The following NME9 variants were observed in gnomAD, a reference collection of about 807,000 sequenced individuals.
NME9 encodes thioredoxin domain-containing protein 6.
In NME9, 48 loss-of-function variants were observed where a neutral mutation model predicts 44.4. The ratio of observed to expected loss-of-function variants is 1.08; its 90% CI spans 0.86 to 1.37. The LOEUF (loss-of-function observed/expected upper bound fraction) is 1.37. Ranked by LOEUF, NME9 falls within the 40% of genes most tolerant of loss-of-function variation. The pLI, the probability that NME9 is intolerant of heterozygous loss-of-function variation, is 0.00. For synonymous variants in NME9, 139 were observed against 147.1 expected (o/e 0.94, Z 0.40); for missense variants, 325 against 405.2 (o/e 0.80, Z 1.70).
intron 2 of NME9, 191 bp downstream of exon 2, chr3:138,324,682 T>C (rs1368319747): frequency 1.6e-6 from 1 of 637,246 alleles, no homozygotes; most frequent in Non-Finnish European, 2.9e-6. Flanking sequence ...TTTACTGATA[T>C]TCAAGCCAGA....
chr3:138,319,021 T>C (rs557212604), intron 3 of NME9, among the ~76,000 whole-genome samples: 1 of 152,154 alleles, frequency 6.6e-6, no homozygotes, highest in African/African-American at 2.4e-5. Flanking sequence ...AATATAATTA[T>C]ACCTTGTCTC....
chr3:138,280,695 T>C (rs2049817354), intron 8 of NME9, among the ~76,000 whole-genome samples: 1 of 152,166 alleles, frequency 6.6e-6, no homozygotes, highest in African/African-American at 2.4e-5. Context: ...GGTTTCACCA[T>C]GTTGGCCAAG....
chr3:138,281,517 T>C (rs945403967), intron 8 of NME9, among the ~76,000 whole-genome samples: 1 of 152,166 alleles, frequency 6.6e-6, no homozygotes, highest in African/African-American at 2.4e-5. Context: ...GGTCTCAATC[T>C]CTTGACCTCG....
intron 4 of NME9, among the ~76,000 whole-genome samples, 177 bp from the exon 5 acceptor site, chr3:138,315,820 T>C (rs1295507183): frequency 6.6e-6 from 1 of 151,790 alleles, no homozygotes; most frequent in Non-Finnish European, 1.5e-5. Flanking sequence ...TGCTCCTAGG[T>C]TTTTTGTTTG....
rs529160422 is a variant in NME9 at position 138,290,473 on chromosome 3, A to G, written c.745+13034T>C. 1.4e-5 allele frequency: 16 copies of G among 1,114,372 alleles called. No homozygotes were observed. In the South Asian group the frequency reaches 2.1e-4, roughly 15 times the overall value. 69.0% of individuals were successfully genotyped at this position (1,114,372 alleles called of 1,614,324 possible). A position where few individuals can be genotyped will look rare whatever the true frequency, so the allele number is the denominator to read the frequency against. On this transcript the variant is annotated intron_variant, in intron 8 of 8. Transcript: ENST00000317876. ...GAGTGAAGGACACTGGTAAGGCTCT[A>G]GATTGTTAATTGTACATCAAAGAGA...
intron 8 of NME9, 86 bp downstream of exon 8, chr3:138,305,918 G>T: frequency 1.1e-6 from 1 of 927,296 alleles, no homozygotes; most frequent in Non-Finnish European, 1.8e-6. Flanking sequence ...AATTTCTTCT[G>T]TCACAAACTG....
intron 9 of NME9, among the ~76,000 whole-genome samples, 187 bp downstream of exon 9, chr3:138,304,668 GCAGCTTACAGGAGGCCCT>G (rs1334915350): frequency 3.3e-5 from 5 of 152,208 alleles, no homozygotes; most frequent in African/African-American, 1.2e-4. Context: ...GGAAGAGGAA[GCAGCTTACAGGAGGCCCT>G]CAGCAAAGGC....
chr3:138,303,549 G>A lies in NME9; in HGVS notation c.886C>T (p.Pro296Ser). The A allele has an allele frequency of 3.7e-6, 6 of 1,613,366 alleles. No individual in the cohort carries two copies. Among genetic ancestry groups the A allele is most frequent in the Non-Finnish European group, 5.1e-6 (6 of 1,179,288 alleles). Residue 296 changes from proline (P) to serine (S), a missense_variant, in exon 10 of 11, where the codon CCC (proline) becomes TCC (serine). Pro to Ser is a moderately conservative substitution (Grantham distance 74). Coordinates refer to ENST00000333911, the MANE Select transcript of NME9 (RefSeq NM_001349018.2). ...TCTTTGTCTGAAAATTTCAAACTGG[G>A]GAAGAGCAATGCCAGTTCTCTGTCA... ...DADRELALLF[P>S]SLKFSDKDTE...
intron 8 of NME9, among the ~76,000 whole-genome samples, chr3:138,294,873 T>G (rs2051319781): frequency 6.6e-6 from 1 of 151,780 alleles, no homozygotes; most frequent in South Asian, 2.1e-4. Context: ...TTTGGTTTGT[T>G]TTTTGGGTTT....
intron 2 of NME9, among the ~76,000 whole-genome samples, chr3:138,321,454 C>G (rs2053458290): frequency 6.6e-6 from 1 of 152,206 alleles, no homozygotes; most frequent in Non-Finnish European, 1.5e-5. Context: ...ATGAAGGGCA[C>G]TACTCCCCTT....
chr3:138,278,106 G>A (rs2049485892), intron 8 of NME9, among the ~76,000 whole-genome samples: 1 of 152,178 alleles, frequency 6.6e-6, no homozygotes, highest in Non-Finnish European at 1.5e-5. Context: ...TAAAGGTTGG[G>A]GGCAGGATTT....
intron 8 of NME9, among the ~76,000 whole-genome samples, chr3:138,286,015 G>A (rs2050371833): frequency 1.3e-5 from 2 of 152,076 alleles, no homozygotes; most frequent in South Asian, 4.1e-4. Flanking sequence ...CGCGATCTTG[G>A]CTCACCACAA....
At chr3:138,299,467 G>T (rs1319281948), downstream of NME9, among the ~76,000 whole-genome samples, 1 of 152,108 alleles carries the variant, frequency 6.6e-6, no homozygotes, top group Admixed American at 6.5e-5. Context: ...ATTTGCTTCT[G>T]TTGTGTGAAA....
downstream of NME9, among the ~76,000 whole-genome samples, chr3:138,298,914 G>A (rs2108420153): frequency 6.6e-6 from 1 of 152,316 alleles, no homozygotes; most frequent in South Asian, 2.1e-4. Flanking sequence ...AGCAAGAGAG[G>A]GAATAATCAT....
chr3:138,309,967 C>CA (rs1395058580), intron 6 of NME9, among the ~76,000 whole-genome samples: 1 of 151,078 alleles, frequency 6.6e-6, no homozygotes, highest in Admixed American at 6.6e-5. Flanking sequence ...GTGGAGGTTG[C>CA]AGTGAGCCAA....
At chr3:138,270,796 T>G (rs2048718873) in intron 8 of NME9, among the ~76,000 whole-genome samples, 1 of 152,200 alleles carries the variant, frequency 6.6e-6, no homozygotes, top group Non-Finnish European at 1.5e-5. Context: ...TGTAAAACTT[T>G]GAGGTTAGAG....
At chr3:138,280,687 T>A (rs2049815989) in intron 8 of NME9, among the ~76,000 whole-genome samples, 1 of 151,974 alleles carries the variant, frequency 6.6e-6, no homozygotes, top group Admixed American at 6.5e-5. Flanking sequence ...AGAGACAGGG[T>A]TTCACCATGT....
chr3:138,316,763 C>T (rs547143124), intron 4 of NME9, among the ~76,000 whole-genome samples: 5 of 152,212 alleles, frequency 3.3e-5, no homozygotes, highest in Admixed American at 2.0e-4. Context: ...TACAGACACC[C>T]GCCACCAGGC....
chr3:138,285,917 C>G (rs1461508004), intron 8 of NME9, among the ~76,000 whole-genome samples: 1 of 152,018 alleles, frequency 6.6e-6, no homozygotes, highest in South Asian at 2.1e-4. Context: ...CGAGACATAC[C>G]CATTTCTCTG....
Sources: gnomAD v4.1 joint callset for allele counts (sites outside exome capture counted in the v4.1 genomes callset) on GRCh38, gnomAD v4.1.1 for gene constraint, MANE v1.5 for transcripts, NCBI Gene and HGNC (gene_info 2026-07-23, HGNC 2026-07-21) for gene names.